DOCK1: variants seen among roughly 807,000 people sequenced by gnomAD.
DOCK1 encodes dedicator of cytokinesis 1, also known as dedicator of cytokinesis protein 1.
A neutral mutation model predicts 262.7 loss-of-function variants in DOCK1; 138 were observed. The ratio of observed to expected loss-of-function variants is 0.53; its 90% CI spans 0.46 to 0.61. DOCK1 has a LOEUF of 0.61. DOCK1 is among the 20% of genes least tolerant of loss of function. The probability of loss-of-function intolerance (pLI) is 0.00; values close to 1 mark genes in which losing one functional copy is unlikely to be tolerated. For synonymous variants in DOCK1, 866 were observed against 867.4 expected (o/e 1.00, Z 0.03); for missense variants, 1,908 against 2,370.7 (o/e 0.80, Z 4.05).
intron 33 of DOCK1, among the ~76,000 whole-genome samples, chr10:127,370,195 T>C (rs904902662): frequency 1.6e-4 from 24 of 152,284 alleles, no homozygotes; most frequent in African/African-American, 5.5e-4. Context: ...GAGCATTTCT[T>C]CTTTAAATAC....
chr10:127,009,450 C>T (rs1591631323), intron 11 of DOCK1, among the ~76,000 whole-genome samples: 1 of 152,070 alleles, frequency 6.6e-6, no homozygotes, highest in African/African-American at 2.4e-5. Flanking sequence ...TTATTTCCCT[C>T]GTGTGGAAGC....
rs531370648 is a variant in DOCK1, at chr10:127,083,322, A to G, written c.2445+21546A>G. Among the ~76,000 whole-genome samples the G allele has an allele frequency of 2.0e-5, 3 of 152,306 alleles. No individual in the cohort carries two copies. The South Asian group carries it at 6.2e-4, about 32-fold the overall frequency. On this transcript the variant is annotated intron_variant, in intron 23 of 51. Coordinates refer to ENST00000623213, the MANE Select transcript of DOCK1 (RefSeq NM_001290223.2). ...AAAATACCTGGTGCCCTCCCTTCCC[A>G]GGACCCCTCCAAGCTGGACGAGCAG... is the stretch of plus-strand genomic sequence containing the variant.
At chr10:127,215,919 G>A (rs957240212) in intron 27 of DOCK1, among the ~76,000 whole-genome samples, 1 of 150,852 alleles carries the variant, frequency 6.6e-6, no homozygotes, top group Non-Finnish European at 1.5e-5. Context: ...AGTACCTTCA[G>A]CCAAAAGGAA....
chr10:127,017,002 C>G (rs1157325747), intron 12 of DOCK1, among the ~76,000 whole-genome samples: 1 of 65,378 alleles, frequency 1.5e-5, no homozygotes, highest in Non-Finnish European at 3.0e-5. Flanking sequence ...GATACAGACA[C>G]CACAAATAAA....
chr10:126,939,654 C>T (rs1321355243), intron 1 of DOCK1, among the ~76,000 whole-genome samples: 1 of 152,194 alleles, frequency 6.6e-6, no homozygotes, highest in Non-Finnish European at 1.5e-5. Context: ...AGCCACCGCG[C>T]CTGACCCAAA....
At chr10:127,031,899 C>A in intron 17 of DOCK1, 146 bp downstream of exon 17, 1 of 894,570 alleles carries the variant, frequency 1.1e-6, no homozygotes, top group Non-Finnish European at 1.7e-6. Flanking sequence ...TTCCAATGAC[C>A]AGCCCTTTTG....
At chr10:127,336,831 G>A (rs374104762) in intron 29 of DOCK1, among the ~76,000 whole-genome samples, 386 of 152,228 alleles carry the variant, frequency 2.5e-3, no homozygotes, top group Non-Finnish European at 4.0e-3. Flanking sequence ...GAGCCACCGC[G>A]CCCAGCTGAC....
At chr10:127,199,855 T>G (rs2057374886) in intron 27 of DOCK1, among the ~76,000 whole-genome samples, 1 of 152,210 alleles carries the variant, frequency 6.6e-6, no homozygotes, top group Non-Finnish European at 1.5e-5. Flanking sequence ...AATGTCCACA[T>G]GCATGCTCCC....
chr10:127,000,821 TGCCATGTTGGTGCTCTTTCTCC>T (rs879579903), intron 10 of DOCK1: 5,216 of 154,930 alleles, frequency 0.034, 288 homozygotes, highest in African/African-American at 0.12. Flanking sequence ...GCTTTTCCTC[TGCCATGTTGGTGCTCTTTCTCC>T]GCCATGTTGG....
chr10:127,017,500 G>GAC (rs139215919), intron 12 of DOCK1, among the ~76,000 whole-genome samples: 2 of 150,184 alleles, frequency 1.3e-5, no homozygotes, highest in Non-Finnish European at 3.0e-5. Flanking sequence ...GATACACAGA[G>GAC]ACACACACAG....
chr10:127,223,942 G>A (rs1321666213), intron 27 of DOCK1, among the ~76,000 whole-genome samples: 1 of 152,174 alleles, frequency 6.6e-6, no homozygotes, highest in Non-Finnish European at 1.5e-5. Context: ...GCTGAGCTGT[G>A]CTTGTGGGTG....
intron 29 of DOCK1, among the ~76,000 whole-genome samples, chr10:127,302,786 G>GTA (rs1200330609): frequency 1.3e-5 from 2 of 148,338 alleles, no homozygotes; most frequent in Non-Finnish European, 3.0e-5. Context: ...GTGTGTGTGT[G>GTA]TATTGTCAAA....
intron 27 of DOCK1, among the ~76,000 whole-genome samples, chr10:127,195,818 G>A (rs2057089146): frequency 6.6e-6 from 1 of 152,144 alleles, no homozygotes; most frequent in South Asian, 2.1e-4. Context: ...CACCGGGTCC[G>A]CTCCCGGCTG....
intron 27 of DOCK1, among the ~76,000 whole-genome samples, chr10:127,174,453 T>C (rs977512341): frequency 1.3e-5 from 2 of 152,172 alleles, no homozygotes; most frequent in African/African-American, 4.8e-5. Context: ...CACCTTTAGG[T>C]CATTTGTTTT....
At chr10:127,368,332 C>A (rs923513567) in intron 33 of DOCK1, among the ~76,000 whole-genome samples, 1 of 152,308 alleles carries the variant, frequency 6.6e-6, no homozygotes, top group Admixed American at 6.5e-5. Flanking sequence ...TTCTATGAAT[C>A]TTTTATGATC....
At chr10:127,127,234 C>T (rs189471322) in intron 26 of DOCK1, among the ~76,000 whole-genome samples, 35 of 152,280 alleles carry the variant, frequency 2.3e-4, no homozygotes, top group Admixed American at 5.2e-4. Flanking sequence ...AGATAGTTTG[C>T]TAAATGCTGT....
intron 17 of DOCK1, 62 bp from the exon 18 acceptor site, chr10:127,032,075 G>A: frequency 6.5e-7 from 1 of 1,546,490 alleles, no homozygotes; most frequent in South Asian, 1.2e-5. Flanking sequence ...ACAAAGGGTG[G>A]CAAAAATGGT....
intron 29 of DOCK1, among the ~76,000 whole-genome samples, chr10:127,300,330 A>G (rs2061639031): frequency 6.6e-6 from 1 of 152,030 alleles, no homozygotes; most frequent in African/African-American, 2.4e-5. Context: ...TGCTTTCTGG[A>G]TCTCTTCTAA....
At chr10:127,064,222 C>T (rs1193207740) in intron 23 of DOCK1, among the ~76,000 whole-genome samples, 1 of 152,164 alleles carries the variant, frequency 6.6e-6, no homozygotes, top group Non-Finnish European at 1.5e-5. Flanking sequence ...GATTCTCCTG[C>T]CTCATCCTCC....
Sources: allele counts gnomAD v4.1 joint callset (sites outside exome capture counted in the v4.1 genomes callset), GRCh38; gene constraint gnomAD v4.1.1; transcripts MANE v1.5; gene names NCBI Gene and HGNC (gene_info 2026-07-23, HGNC 2026-07-21).